Variants in SLC25A10 observed in about 807,000 individuals in gnomAD.
SLC25A10 encodes the protein solute carrier family 25 member 10, also known as mitochondrial dicarboxylate carrier.
In SLC25A10, 32 loss-of-function variants were observed where a neutral mutation model predicts 40.4. That is an observed-to-expected ratio of 0.79 (90% CI 0.60 to 1.06). SLC25A10 has a LOEUF of 1.06. Among genes scored for constraint, SLC25A10 ranks in the 50% least tolerant of loss-of-function variants. The probability of loss-of-function intolerance (pLI) is 0.00; values close to 1 mark genes in which losing one functional copy is unlikely to be tolerated. For synonymous variants in SLC25A10, 181 were observed against 171.1 expected (o/e 1.06, Z -0.45); for missense variants, 394 against 402.6 (o/e 0.98, Z 0.18).
In SLC25A10 at chr17:81,720,626, A is replaced by ACAAGC; in HGVS notation, c.*550_*554dup. 1 of 880,146 alleles carries ACAAGC rather than the reference A, an allele frequency of 1.1e-6. No homozygotes were observed. Among genetic ancestry groups the ACAAGC allele is most frequent in the East Asian group, 3.2e-5 (1 of 30,910 alleles). The allele number at this position is 880,146 out of a possible 1,614,324, so 54.5% of individuals were successfully genotyped here. A position where few individuals can be genotyped will look rare whatever the true frequency, so the allele number is the denominator to read the frequency against. On this transcript the variant is annotated 3_prime_UTR_variant, in exon 11 of 11. Coordinates refer to ENST00000350690, the MANE Select transcript of SLC25A10 (RefSeq NM_012140.5). ...GTGGGATGAACAAGCAACGCAGACCACAAGCGAGTGCCTGGGAGGGAGTGG... is the reference window on the plus strand; with the variant it reads ...GTGGGATGAACAAGCAACGCAGACCACAAGCCAAGCGAGTGCCTGGGAGGGAGTGG...
At chr17:81,714,533 C>CT (rs752257646) in intron 1 of SLC25A10, among the ~76,000 whole-genome samples, 1 of 152,228 alleles carries the variant, frequency 6.6e-6, no homozygotes, top group Non-Finnish European at 1.5e-5. Flanking sequence ...CTCGCCGTTT[C>CT]TGAGCGGCCA....
In SLC25A10 at chr17:81,715,549, G is replaced by T. The variant is rs1568229683; in HGVS notation, c.285G>T (p.Gly95=). 1.2e-6 allele frequency: 2 copies of T among 1,612,860 alleles called. No individual in the cohort carries two copies. Among genetic ancestry groups the T allele is most frequent in the Non-Finnish European group, 1.7e-6 (2 of 1,179,880 alleles). ...ACCGTGTGGCCAAGGGCAGCCAGGG[G>T]CCTCTCCCCTTCCACGAGAAGGTGT... is the stretch of plus-strand genomic sequence containing the variant. ...VRDRVAKGSQ[G]PLPFHEKVLL... The change falls in exon 3 of 11, where the codon GGG becomes GGT. Residue 95 remains glycine (G), a synonymous_variant. Coordinates refer to ENST00000350690, the MANE Select transcript of SLC25A10 (RefSeq NM_012140.5).
At position 81,720,009 on chromosome 17, in the gene SLC25A10, C is replaced by A. The variant is rs750301292; in HGVS notation, c.796C>A (p.His266Asn). ...CCCAGCTGGCATCCGCCTCATCCCC[C>A]ACACCGTGCTCACTTTTGTGTTTCT... The part of the protein sequence containing the change: ...LVPAGIRLIP[H>N]TVLTFVFLEQ... Residue 266 changes from histidine (H) to asparagine (N), a missense_variant, in exon 11 of 11, where the codon CAC (histidine) becomes AAC (asparagine). Transcript: ENST00000350690. 1 of 1,613,858 alleles carries A rather than the reference C, an allele frequency of 6.2e-7. No homozygotes were observed. The highest frequency in any genetic ancestry group is 2.2e-5 in the East Asian group (1 of 44,886).
chr17:81,718,037 T>C (rs2037521287), intron 9 of SLC25A10, among the ~76,000 whole-genome samples, 176 bp downstream of exon 9: 10 of 152,176 alleles, frequency 6.6e-5, no homozygotes, highest in Admixed American at 6.5e-4. Flanking sequence ...GCCTTTGCCT[T>C]GTTTTTGTTT....
rs1352821106 is a variant in SLC25A10 at position 81,720,639 on chromosome 17, T to C, written c.*562T>C. 7.6e-6 allele frequency: 6 copies of C among 787,644 alleles called. No homozygotes were observed. The highest frequency in any genetic ancestry group is 8.7e-6 in the Non-Finnish European group (5 of 576,096). The allele number at this position is 787,644 out of a possible 1,614,324, so 48.8% of individuals were successfully genotyped here. A position where few individuals can be genotyped will look rare whatever the true frequency, so the allele number is the denominator to read the frequency against. ...GCAACGCAGACCACAAGCGAGTGCC[T>C]GGGAGGGAGTGGCCCAGGGTGGTTC... On this transcript the variant is annotated 3_prime_UTR_variant, in exon 11 of 11. Coordinates refer to ENST00000350690, the MANE Select transcript of SLC25A10 (RefSeq NM_012140.5).
rs1047724770 is a variant in SLC25A10 at position 81,715,030 on chromosome 17, C to G, written c.171C>G (p.Ile57Met). The change falls in exon 2 of 11, where the codon ATC (isoleucine) becomes ATG (methionine). Residue 57 changes from isoleucine to methionine, a missense_variant. Physicochemically the swap from Ile to Met is conservative, Grantham distance 10. Transcript: ENST00000350690. The stretch of plus-strand genomic sequence containing the variant: ...TGCGGGTGGTGCGTACCGACGGCAT[C>G]CTGGCACTCTACAGCGGCCTGAGCG... ...MALRVVRTDG[I>M]LALYSGLSAS... 1.9e-6 allele frequency: 3 copies of G among 1,610,360 alleles called. No homozygotes were observed. Among genetic ancestry groups the G allele is most frequent in the Admixed American group, 3.3e-5 (2 of 60,008 alleles).
At chr17:81,718,944 G>T (rs2037538834) in intron 9 of SLC25A10, among the ~76,000 whole-genome samples, 1 of 150,912 alleles carries the variant, frequency 6.6e-6, no homozygotes, top group Non-Finnish European at 1.5e-5. Context: ...GCGAGACTCT[G>T]TCTTAAAAAA....
chr17:81,712,483 G>T lies in SLC25A10; in HGVS notation c.57G>T (p.Gly19=). The change falls in exon 1 of 11, where the codon GGG becomes GGT. Residue 19 remains glycine (G), a synonymous_variant. Transcript: ENST00000350690. Reference sequence around the variant, plus strand: ...ACTTCGGGGGGCTGGCCTCCTGCGGGGCCGCCTGCTGCACGCACCCGCTGG... The same window carrying T: ...ACTTCGGGGGGCTGGCCTCCTGCGGTGCCGCCTGCTGCACGCACCCGCTGG... ...RWYFGGLASC[G]AACCTHPLDL... The T allele has an allele frequency of 7.7e-7, 1 of 1,302,284 alleles. No individual in the cohort carries two copies. The highest frequency in any genetic ancestry group is 1.5e-5 in the African/African-American group (1 of 65,120). 80.7% of individuals were successfully genotyped at this position (1,302,284 alleles called of 1,614,324 possible).
At chr17:81,716,638 G>T (rs896524373) in intron 5 of SLC25A10, 174 bp from the exon 6 acceptor site, 5 of 644,602 alleles carry the variant, frequency 7.8e-6, no homozygotes, top group Non-Finnish European at 1.3e-5. Flanking sequence ...GGCGGGGCGG[G>T]CGAGGTGGCT....
At chr17:81,713,773 C>T (rs73354156) in intron 1 of SLC25A10, among the ~76,000 whole-genome samples, 4,728 of 152,338 alleles carry the variant, frequency 0.031, 278 homozygotes, top group African/African-American at 0.11. Context: ...GTCCCTTGTC[C>T]GGGGTCTGAG....
At position 81,712,326 on chromosome 17, in the gene SLC25A10, ACCGGGCG is replaced by A. The variant is rs892281362; in HGVS notation, c.-99_-93del. On this transcript the variant is annotated 5_prime_UTR_variant, in exon 1 of 11. Transcript: ENST00000350690. ...TGCGGGCGCGCGGGCGGCGCTTTGA[ACCGGGCG>A]CGGGGCGCGGGGCGCGGGGCGCTGC... 2 of 827,938 alleles carry A rather than the reference ACCGGGCG, an allele frequency of 2.4e-6. No homozygotes were observed. Among genetic ancestry groups the A allele is most frequent in the African/African-American group, 3.7e-5 (2 of 54,152 alleles). 51.3% of individuals were successfully genotyped at this position (827,938 alleles called of 1,614,324 possible).
Position 81,717,041 on chromosome 17 carries a change from C to G in SLC25A10, c.503C>G (p.Ser168Cys). Residue 168 changes from serine to cysteine, a missense_variant, in exon 7 of 11, where the codon TCC becomes TGC. Ser to Cys is a moderately radical substitution (Grantham distance 112, BLOSUM62 -1). Transcript: ENST00000350690. ...CTGTTCTCGGGTGCAACCATGGCAT[C>G]CAGCCGAGGGGCCTTAGTCACTGTG... is the stretch of plus-strand genomic sequence containing the variant. ...RRLFSGATMA[S>C]SRGALVTVGQ... 6.2e-7 allele frequency: 1 copy of G among 1,613,760 alleles called. No homozygotes were observed. The highest frequency in any genetic ancestry group is 1.1e-5 in the South Asian group (1 of 91,090).
intron 9 of SLC25A10, among the ~76,000 whole-genome samples, chr17:81,718,100 C>T (rs1263743582): frequency 2.0e-5 from 3 of 152,222 alleles, no homozygotes; most frequent in Admixed American, 2.0e-4. Flanking sequence ...AACCCCAGCA[C>T]TTTGGGAGCC....
chr17:81,717,293 C>T (rs1247000181), intron 7 of SLC25A10, 106 bp from the exon 8 acceptor site: 41 of 1,189,232 alleles, frequency 3.4e-5, no homozygotes, highest in Admixed American at 1.8e-4. Flanking sequence ...GACGGACAGA[C>T]GGAGCAGGTG....
intron 2 of SLC25A10, 152 bp downstream of exon 2, chr17:81,715,224 C>A: frequency 8.0e-7 from 1 of 1,253,434 alleles, no homozygotes; most frequent in Non-Finnish European, 1.1e-6. Flanking sequence ...CCCATGGGCA[C>A]CCACCCAGTT....
chr17:81,719,970 C>G lies in SLC25A10; in HGVS notation c.763-6C>G, dbSNP rs2037560853. ...TGTGTCTCTCATTTTCCCTGTCTCC[C>G]TCCAGGGCCTCGTCCCAGCTGGCAT... On this transcript the variant is annotated splice_polypyrimidine_tract_variant and splice_region_variant and intron_variant, in intron 10 of 10. Coordinates refer to ENST00000350690, the MANE Select transcript of SLC25A10 (RefSeq NM_012140.5). 1 of 1,613,714 alleles carries G rather than the reference C, an allele frequency of 6.2e-7. No homozygotes were observed. The highest frequency in any genetic ancestry group is 1.3e-5 in the African/African-American group (1 of 74,946).
chr17:81,712,609 G>C (rs1487552993), intron 1 of SLC25A10, 90 bp downstream of exon 1: 4 of 933,534 alleles, frequency 4.3e-6, no homozygotes, highest in Non-Finnish European at 5.6e-6. Flanking sequence ...ACGCACCCGG[G>C]GATCGCCGCG....
rs577590604 is a variant in SLC25A10, at chr17:81,715,186, C to A, written c.213+114C>A. 1.5e-5 allele frequency: 22 copies of A among 1,454,276 alleles called. No individual in the cohort carries two copies. In the African/African-American group the frequency reaches 3.1e-4, roughly 20 times the overall value. The allele number at this position is 1,454,276 out of a possible 1,614,324, so 90.1% of individuals were successfully genotyped here. The stretch of plus-strand genomic sequence containing the variant: ...TTGTGCAAGGAAGGACCCACCAGGC[C>A]GAGAGCTGGTGACCCCAGGGTGCGC... On this transcript the variant is annotated intron_variant, in intron 2 of 10. Coordinates refer to ENST00000350690, the MANE Select transcript of SLC25A10 (RefSeq NM_012140.5).
chr17:81,718,810 C>A (rs1402121638), intron 9 of SLC25A10, among the ~76,000 whole-genome samples: 9 of 133,992 alleles, frequency 6.7e-5, no homozygotes, highest in Non-Finnish European at 1.1e-4. Flanking sequence ...TTAGCTGGGC[C>A]TGGTGGCGCA....
Sources: allele counts gnomAD v4.1 joint callset (sites outside exome capture counted in the v4.1 genomes callset), GRCh38; gene constraint gnomAD v4.1.1; transcripts MANE v1.5; gene names NCBI Gene and HGNC (gene_info 2026-07-23, HGNC 2026-07-21).